Variants in ADAMTSL1 observed in about 807,000 individuals in gnomAD.
The protein encoded by ADAMTSL1 is ADAMTS like 1, also known as ADAMTS-like protein 1.
In ADAMTSL1, 126 loss-of-function variants were observed where a neutral mutation model predicts 201.8. The observed-to-expected ratio is 0.62, with a 90% confidence interval of 0.54 to 0.72. ADAMTSL1 has a LOEUF of 0.72. Among genes scored for constraint, ADAMTSL1 ranks in the 30% least tolerant of loss-of-function variants. The pLI, the probability that ADAMTSL1 is intolerant of heterozygous loss-of-function variation, is 0.00. For missense variants in ADAMTSL1, 2,679 were observed against 2,277.8 expected (o/e 1.18, Z -3.59); for synonymous variants, 1,121 against 903.4 (o/e 1.24, Z -4.32).
intron 1 of ADAMTSL1, among the ~76,000 whole-genome samples, chr9:17,999,055 A>G (rs1002232129): frequency 3.9e-5 from 6 of 152,052 alleles, no homozygotes; most frequent in African/African-American, 1.4e-4. Context: ...TTTGTTCCCT[A>G]TATAGCCTCT....
intron 23 of ADAMTSL1, among the ~76,000 whole-genome samples, chr9:18,860,397 C>T (rs919542799): frequency 6.6e-6 from 1 of 152,026 alleles, no homozygotes; most frequent in African/African-American, 2.4e-5. Context: ...CAGCCCCACC[C>T]ATTTGTTTAT....
chr9:18,645,680 T>C lies in ADAMTSL1; in HGVS notation c.834+6269T>C, dbSNP rs556499964. Among the ~76,000 whole-genome samples, 70 of 150,624 alleles carry C rather than the reference T, an allele frequency of 4.6e-4. 1 individual carries two copies. The South Asian group carries it at 0.014, about 30-fold the overall frequency. ...CCATTGCTTGTTTTTCTCAGGTTTG[T>C]CAAAGATCAGATAGTTGTAGATATG... On this transcript the variant is annotated intron_variant, in intron 7 of 28. Transcript: ENST00000380548.
chr9:18,680,560 CT>C, intron 11 of ADAMTSL1, 44 bp downstream of exon 11: 2 of 1,599,592 alleles, frequency 1.3e-6, no homozygotes, highest in South Asian at 2.2e-5. Flanking sequence ...AGTAAGTCCA[CT>C]CTTCCCTCTC....
intron 13 of ADAMTSL1, among the ~76,000 whole-genome samples, chr9:18,688,020 AT>A (rs1387382099): frequency 4.0e-5 from 6 of 151,442 alleles, no homozygotes; most frequent in East Asian, 1.9e-4. Context: ...CTACATGTTG[AT>A]TTTTTTTCCC....
intron 2 of ADAMTSL1, among the ~76,000 whole-genome samples, chr9:18,342,428 G>C (rs1835503333): frequency 6.6e-6 from 1 of 152,132 alleles, no homozygotes; most frequent in Non-Finnish European, 1.5e-5. Flanking sequence ...GGCAAAGAGA[G>C]TAGCATGGCA....
intron 15 of ADAMTSL1, among the ~76,000 whole-genome samples, chr9:18,749,328 T>C (rs528445006): frequency 6.6e-6 from 1 of 152,264 alleles, no homozygotes; most frequent in Middle Eastern, 3.4e-3. Context: ...GGGGGAAGTA[T>C]TAATGGGACC....
chr9:18,753,568 G>T (rs547962180), intron 16 of ADAMTSL1, 60 bp downstream of exon 16: 3 of 1,539,456 alleles, frequency 1.9e-6, no homozygotes, highest in Admixed American at 3.8e-5. Flanking sequence ...TCAAAAAAGG[G>T]ATGCTCTCTC....
At position 17,976,748 on chromosome 9, in the gene ADAMTSL1, G is replaced by A. The variant is rs537583920; in HGVS notation, c.87+69826G>A. The stretch of plus-strand genomic sequence containing the variant: ...CTCCCTCCCTGCCCCCTGCCTCCCC[G>A]ATCCATCCATCCATCATCAATCATC... On this transcript the variant is annotated intron_variant, in intron 1 of 29. Coordinates refer to the ADAMTSL1 transcript ENST00000680146. Among the ~76,000 whole-genome samples, 12 of 60,894 alleles carry A rather than the reference G, an allele frequency of 2.0e-4. No individual in the cohort carries two copies. In the South Asian group the frequency reaches 5.9e-3, roughly 30 times the overall value. 39.9% of individuals were successfully genotyped at this position (60,894 alleles called of 152,430 possible).
At chr9:18,156,244 T>A (rs1047323665) in intron 1 of ADAMTSL1, among the ~76,000 whole-genome samples, 1 of 152,006 alleles carries the variant, frequency 6.6e-6, no homozygotes, top group Non-Finnish European at 1.5e-5. Context: ...TTGGTTAAGA[T>A]AACAGACTCC....
At chr9:18,122,185 A>G (rs1238138388) in intron 1 of ADAMTSL1, among the ~76,000 whole-genome samples, 1 of 152,188 alleles carries the variant, frequency 6.6e-6, no homozygotes, top group African/African-American at 2.4e-5. Flanking sequence ...TATATACCAA[A>G]AAATTTAAAA....
At position 18,248,709 on chromosome 9, in the gene ADAMTSL1, G is replaced by T. The variant is rs529192973; in HGVS notation, c.207+84728G>T. 9.9e-5 allele frequency among the ~76,000 whole-genome samples: 15 copies of T among 152,244 alleles called. No individual in the cohort carries two copies. The South Asian group carries it at 2.7e-3, about 27-fold the overall frequency. On this transcript the variant is annotated intron_variant, in intron 2 of 29. Coordinates refer to the ADAMTSL1 transcript ENST00000680146. ...CTGCGGCAAACGCATCGTCCATTGC[G>T]GGGGGCCATAACCCTTTTTTGGTCT...
chr9:18,898,095 A>G (rs1407057614), intron 26 of ADAMTSL1, among the ~76,000 whole-genome samples: 1 of 151,960 alleles, frequency 6.6e-6, no homozygotes, highest in African/African-American at 2.4e-5. Context: ...AGGCTGAGGC[A>G]GGAGAATCAC....
chr9:18,049,298 G>A (rs2131661166), intron 1 of ADAMTSL1, among the ~76,000 whole-genome samples: 1 of 152,318 alleles, frequency 6.6e-6, no homozygotes. Context: ...ATAGTGGCTA[G>A]TGATCACTTT....
chr9:18,056,258 G>A (rs886128203), intron 1 of ADAMTSL1, among the ~76,000 whole-genome samples: 1 of 151,878 alleles, frequency 6.6e-6, no homozygotes, highest in East Asian at 1.9e-4. Context: ...TTCCCCTAAA[G>A]GTATGAAATG....
At chr9:18,517,931 T>C (rs563755504) in intron 2 of ADAMTSL1, among the ~76,000 whole-genome samples, 1 of 152,276 alleles carries the variant, frequency 6.6e-6, no homozygotes, top group African/African-American at 2.4e-5. Flanking sequence ...CCTGGAGTTA[T>C]CTTTATAACA....
intron 3 of ADAMTSL1, among the ~76,000 whole-genome samples, chr9:18,567,082 C>G (rs1224681293): frequency 6.6e-6 from 1 of 152,152 alleles, no homozygotes; most frequent in Non-Finnish European, 1.5e-5. Context: ...ATTAGAAGCT[C>G]TGGAGGGTGG....
intron 2 of ADAMTSL1, among the ~76,000 whole-genome samples, chr9:18,329,780 G>GCATT (rs10547462): frequency 8.7e-4 from 132 of 152,124 alleles, no homozygotes; most frequent in African/African-American, 2.3e-3. Flanking sequence ...ACTTATGTAT[G>GCATT]CATTCATTCA....
At chr9:18,145,913 A>G (rs1253608151) in intron 1 of ADAMTSL1, among the ~76,000 whole-genome samples, 1 of 152,194 alleles carries the variant, frequency 6.6e-6, no homozygotes, top group Non-Finnish European at 1.5e-5. Context: ...TAAGAAAACA[A>G]ACAGGCAAAA....
intron 2 of ADAMTSL1, among the ~76,000 whole-genome samples, chr9:18,426,626 T>C (rs1400683047): frequency 6.6e-6 from 1 of 152,152 alleles, no homozygotes; most frequent in Non-Finnish European, 1.5e-5. Context: ...GATGAGACTT[T>C]CGGTAACCCA....
Sources: gnomAD v4.1 joint callset for allele counts (sites outside exome capture counted in the v4.1 genomes callset) on GRCh38, gnomAD v4.1.1 for gene constraint, MANE v1.5 for transcripts, NCBI Gene and HGNC (gene_info 2026-07-23, HGNC 2026-07-21) for gene names.